The following CPEB3 variants were observed in gnomAD, a reference collection of about 807,000 sequenced individuals.
CPEB3 encodes cytoplasmic polyadenylation element binding protein 3, also known as cytoplasmic polyadenylation element-binding protein 3.
Under a neutral mutation model 67.2 loss-of-function variants are expected in CPEB3, and 20 were observed. That is an observed-to-expected ratio of 0.30 (90% CI 0.21 to 0.43). The LOEUF (loss-of-function observed/expected upper bound fraction) is 0.43. Among genes scored for constraint, CPEB3 ranks in the 20% least tolerant of loss-of-function variants. The pLI is 1.00. For synonymous variants in CPEB3, 376 were observed against 393.1 expected (o/e 0.96, Z 0.51); for missense variants, 746 against 968.6 (o/e 0.77, Z 3.05).
At position 92,239,481 on chromosome 10, in the gene CPEB3, C is replaced by A; in HGVS notation, c.870G>T (p.Ser290=). The A allele has an allele frequency of 6.3e-7, 1 of 1,591,162 alleles. No individual in the cohort carries two copies. The highest frequency in any genetic ancestry group is 8.6e-7 in the Non-Finnish European group (1 of 1,168,500). Residue 290 remains serine, a synonymous_variant, in exon 2 of 10, where the codon TCG becomes TCT. Coordinates refer to ENST00000265997, the MANE Select transcript of CPEB3 (RefSeq NM_014912.5). This position sits in a 1 kb window ranked among gnomAD's most constrained non-coding sequence, Gnocchi z 6.0. ...TGCTGGAGAAGGGCTTTTTGAGCGGCGAGATGGGGTTGAGCGGGGAAGGCA... is the reference window on the plus strand; with the variant it reads ...TGCTGGAGAAGGGCTTTTTGAGCGGAGAGATGGGGTTGAGCGGGGAAGGCA... ...VGVPSPLNPI[S]PLKKPFSSNV... is the part of the protein sequence containing the mutation.
intron 2 of CPEB3, among the ~76,000 whole-genome samples, chr10:92,207,318 T>C (rs1381696535): frequency 1.3e-5 from 2 of 151,842 alleles, no homozygotes; most frequent in Admixed American, 1.3e-4. Context: ...CACCACATAC[T>C]AGGCTGAGTA....
At chr10:92,069,934 G>A (rs972239862) in intron 9 of CPEB3, among the ~76,000 whole-genome samples, 21 of 152,124 alleles carry the variant, frequency 1.4e-4, no homozygotes, top group Non-Finnish European at 2.9e-4. Context: ...CAACCACAAT[G>A]TCAATGCCCC....
At chr10:92,169,852 A>C (rs527396644) in intron 4 of CPEB3, among the ~76,000 whole-genome samples, 3 of 152,182 alleles carry the variant, frequency 2.0e-5, no homozygotes, top group Non-Finnish European at 4.4e-5. Context: ...TCCATATTCC[A>C]TATCAGACTG....
chr10:92,259,748 T>C (rs553419026), intron 1 of CPEB3, among the ~76,000 whole-genome samples: 86 of 152,340 alleles, frequency 5.6e-4, no homozygotes, highest in African/African-American at 2.0e-3. Context: ...TTATCTTTTT[T>C]TCTTTCTCAG....
chr10:92,090,714 C>A (rs1387341626), intron 8 of CPEB3, among the ~76,000 whole-genome samples: 3 of 152,142 alleles, frequency 2.0e-5, no homozygotes, highest in Non-Finnish European at 4.4e-5. Flanking sequence ...CACAACACCT[C>A]CACCATTTTT....
chr10:92,209,397 T>C lies in CPEB3; in HGVS notation c.1006-16761A>G, dbSNP rs371882448. 4.3e-4 allele frequency among the ~76,000 whole-genome samples: 65 copies of C among 151,694 alleles called. 2 individuals carry two copies. The South Asian group carries it at 9.0e-3, about 21-fold the overall frequency. Reference sequence around the variant, plus strand: ...AAAATTAGCTGGGCGTGGTGGCACATGCCTGTAATCCCACCTACTTGGGAG... The same window carrying C: ...AAAATTAGCTGGGCGTGGTGGCACACGCCTGTAATCCCACCTACTTGGGAG... On this transcript the variant is annotated intron_variant, in intron 2 of 9. Transcript: ENST00000265997.
chr10:92,255,385 G>C (rs1330743214), intron 1 of CPEB3, among the ~76,000 whole-genome samples: 1 of 152,088 alleles, frequency 6.6e-6, no homozygotes, highest in Non-Finnish European at 1.5e-5. Flanking sequence ...AATTGCTCTT[G>C]GTACTGACAT....
intron 2 of CPEB3, among the ~76,000 whole-genome samples, chr10:92,217,548 G>C (rs1292025128): frequency 6.6e-6 from 1 of 151,708 alleles, no homozygotes; most frequent in Non-Finnish European, 1.5e-5. Context: ...GATCACCTGA[G>C]GTCAGGAGTT....
chr10:92,276,084 G>A (rs1385350815), intron 1 of CPEB3, among the ~76,000 whole-genome samples: 2 of 150,986 alleles, frequency 1.3e-5, no homozygotes, highest in Non-Finnish European at 3.0e-5. Context: ...TCCTGACCTC[G>A]TGATCCACCC....
intron 6 of CPEB3, among the ~76,000 whole-genome samples, chr10:92,112,477 A>T (rs1209617420): frequency 6.6e-6 from 1 of 152,222 alleles, no homozygotes; most frequent in Non-Finnish European, 1.5e-5. Context: ...CTTATGAAGT[A>T]GATGAAACAA....
intron 3 of CPEB3, among the ~76,000 whole-genome samples, chr10:92,189,799 C>T (rs1427219795): frequency 6.8e-6 from 1 of 147,576 alleles, no homozygotes; most frequent in African/African-American, 2.5e-5. Flanking sequence ...CCTCCAACTC[C>T]CTGGTTCAAG....
intron 1 of CPEB3, among the ~76,000 whole-genome samples, chr10:92,253,030 C>T (rs1367714576): frequency 6.6e-6 from 1 of 151,546 alleles, no homozygotes; most frequent in African/African-American, 2.4e-5. Context: ...TATAATAAAA[C>T]TAATTTACAG....
chr10:92,280,582 C>T (rs562001700), intron 1 of CPEB3, among the ~76,000 whole-genome samples: 1 of 147,030 alleles, frequency 6.8e-6, no homozygotes, highest in Non-Finnish European at 1.5e-5. Context: ...ATTAGCCAAG[C>T]ATGGCGGTAC....
chr10:92,260,307 T>C (rs1242102291), intron 1 of CPEB3, among the ~76,000 whole-genome samples: 1 of 152,086 alleles, frequency 6.6e-6, no homozygotes, highest in African/African-American at 2.4e-5. Flanking sequence ...TCCCAGCACT[T>C]TGGGAGGCAG....
At chr10:92,164,082 G>A (rs1158567093) in intron 4 of CPEB3, among the ~76,000 whole-genome samples, 2 of 152,108 alleles carry the variant, frequency 1.3e-5, no homozygotes, top group Non-Finnish European at 2.9e-5. Flanking sequence ...GGAGAATGAC[G>A]ATCATAAAGT....
intron 1 of CPEB3, among the ~76,000 whole-genome samples, chr10:92,260,450 C>T (rs1194356260): frequency 6.7e-6 from 1 of 150,294 alleles, no homozygotes; most frequent in East Asian, 2.0e-4. Flanking sequence ...ACTCGGGAGG[C>T]TGAGACAGGA....
chr10:92,252,587 A>T (rs140904223), intron 1 of CPEB3, among the ~76,000 whole-genome samples: 6 of 152,326 alleles, frequency 3.9e-5, no homozygotes, highest in Non-Finnish European at 8.8e-5. Flanking sequence ...ATAATGGAAT[A>T]TGATAAGGCA....
At chr10:92,143,563 G>T (rs1846539720) in intron 5 of CPEB3, among the ~76,000 whole-genome samples, 2 of 152,126 alleles carry the variant, frequency 1.3e-5, no homozygotes, top group Non-Finnish European at 2.9e-5. Flanking sequence ...GTAAGGAGTA[G>T]GGGCAATAAG....
At chr10:92,083,721 G>A (rs903153309) in intron 8 of CPEB3, among the ~76,000 whole-genome samples, 6 of 152,192 alleles carry the variant, frequency 3.9e-5, no homozygotes, top group African/African-American at 1.4e-4. Context: ...GAATGGCCAG[G>A]AAAAGAATGC....
Sources: allele counts gnomAD v4.1 joint callset (sites outside exome capture counted in the v4.1 genomes callset), GRCh38; gene constraint gnomAD v4.1.1; non-coding constraint Gnocchi (gnomAD v3.1); transcripts MANE v1.5; gene names NCBI Gene and HGNC (gene_info 2026-07-23, HGNC 2026-07-21).